Variants in GPR158 observed in about 807,000 individuals in gnomAD.
The protein encoded by GPR158 is G protein-coupled receptor 158, also known as metabotropic glycine receptor.
A neutral mutation model predicts 78.2 loss-of-function variants in GPR158; 30 were observed. The ratio of observed to expected loss-of-function variants is 0.38; its 90% CI spans 0.29 to 0.52. The LOEUF is 0.52. GPR158 is among the 20% of genes least tolerant of loss of function. The pLI, the probability that GPR158 is intolerant of heterozygous loss-of-function variation, is 0.83. For missense variants in GPR158, 1,463 were observed against 1,523.5 expected, an observed-to-expected ratio of 0.96 and a Z score of 0.66; for synonymous variants, 581 against 591.1, an observed-to-expected ratio of 0.98 and a Z score of 0.25.
At chr10:25,504,840 G>A (rs537652539) in intron 5 of GPR158, among the ~76,000 whole-genome samples, 5 of 152,080 alleles carry the variant, frequency 3.3e-5, no homozygotes, top group Non-Finnish European at 5.9e-5. Context: ...TTGAGTATTC[G>A]TTCTGGGTCA....
chr10:25,389,751 C>T (rs953954740), intron 2 of GPR158, among the ~76,000 whole-genome samples: 4 of 152,010 alleles, frequency 2.6e-5, no homozygotes. Flanking sequence ...CCTGGAAGCT[C>T]CCTGAGCCAA....
chr10:25,493,222 G>T (rs1448465068), intron 5 of GPR158, among the ~76,000 whole-genome samples: 2 of 152,148 alleles, frequency 1.3e-5, no homozygotes, highest in African/African-American at 4.8e-5. Flanking sequence ...CCTAGCATGG[G>T]GCCTGCTTCA....
chr10:25,550,802 G>C (rs1380161927), intron 5 of GPR158, among the ~76,000 whole-genome samples, 174 bp from the exon 6 acceptor site: 1 of 152,110 alleles, frequency 6.6e-6, no homozygotes, highest in Non-Finnish European at 1.5e-5. Context: ...GCAGTAGGGA[G>C]ACTGTGTATT....
At chr10:25,459,292 T>A (rs1037288680) in intron 4 of GPR158, among the ~76,000 whole-genome samples, 9 of 152,216 alleles carry the variant, frequency 5.9e-5, no homozygotes, top group Non-Finnish European at 1.3e-4. Context: ...CATTGGTATA[T>A]CTTTTTTAAA....
chr10:25,420,643 A>G (rs1834737038), intron 4 of GPR158, among the ~76,000 whole-genome samples: 1 of 152,046 alleles, frequency 6.6e-6, no homozygotes, highest in African/African-American at 2.4e-5. Flanking sequence ...TTTTATGTAT[A>G]GTATAAGATC....
chr10:25,397,802 A>T (rs1399185184), intron 3 of GPR158, among the ~76,000 whole-genome samples: 1 of 152,174 alleles, frequency 6.6e-6, no homozygotes, highest in Non-Finnish European at 1.5e-5. Context: ...TTGCTGGGAT[A>T]GTCACTCCCT....
intron 2 of GPR158, among the ~76,000 whole-genome samples, chr10:25,321,861 T>C (rs1463553771): frequency 2.6e-5 from 4 of 152,228 alleles, no homozygotes; most frequent in Non-Finnish European, 5.9e-5. Flanking sequence ...CATTATCTTA[T>C]ATATTTTTTA....
chr10:25,423,998 A>G (rs1442870835), intron 4 of GPR158, among the ~76,000 whole-genome samples: 7 of 151,870 alleles, frequency 4.6e-5, no homozygotes, highest in Non-Finnish European at 1.5e-5. Flanking sequence ...TACACTCCCA[A>G]CAGTGTAAAA....
chr10:25,226,437 C>T (rs1438700741), intron 2 of GPR158, among the ~76,000 whole-genome samples: 1 of 152,148 alleles, frequency 6.6e-6, no homozygotes, highest in Non-Finnish European at 1.5e-5. Context: ...CACTGAGGGA[C>T]ATTTAAGAAC....
chr10:25,255,463 G>A (rs544521987), intron 2 of GPR158, among the ~76,000 whole-genome samples: 2 of 152,336 alleles, frequency 1.3e-5, no homozygotes, highest in African/African-American at 2.4e-5. Context: ...TCTGCTCAGG[G>A]TCTCTCTAGG....
chr10:25,273,253 TCTTAA>T (rs1232054144), intron 2 of GPR158, among the ~76,000 whole-genome samples: 31 of 152,258 alleles, frequency 2.0e-4, no homozygotes, highest in Middle Eastern at 6.8e-3. Flanking sequence ...TATCACTACC[TCTTAA>T]CTTAAAGAAG....
At chr10:25,553,617 T>C (rs572860921) in intron 6 of GPR158, among the ~76,000 whole-genome samples, 1 of 152,302 alleles carries the variant, frequency 6.6e-6, no homozygotes, top group East Asian at 1.9e-4. Context: ...TGCTATATTT[T>C]TCCCATATTA....
intron 5 of GPR158, among the ~76,000 whole-genome samples, chr10:25,534,133 A>T (rs1388357358): frequency 1.3e-5 from 2 of 152,104 alleles, no homozygotes; most frequent in Non-Finnish European, 2.9e-5. Flanking sequence ...TCATCTGGTT[A>T]TGCTTTGGCA....
At chr10:25,238,371 C>T (rs1397774497) in intron 2 of GPR158, among the ~76,000 whole-genome samples, 3 of 152,190 alleles carry the variant, frequency 2.0e-5, no homozygotes, top group African/African-American at 4.8e-5. Flanking sequence ...GTATTGGTTG[C>T]ATATCTTTTA....
chr10:25,209,272 C>A (rs1853095792), intron 1 of GPR158, among the ~76,000 whole-genome samples: 1 of 152,352 alleles, frequency 6.6e-6, no homozygotes, highest in Non-Finnish European at 1.5e-5. Flanking sequence ...ACCACTCTAT[C>A]TCTTCCTCTT....
At chr10:25,253,373 C>T (rs1485360430) in intron 2 of GPR158, among the ~76,000 whole-genome samples, 2 of 152,112 alleles carry the variant, frequency 1.3e-5, no homozygotes, top group East Asian at 1.9e-4. Flanking sequence ...GGGGAGGTGT[C>T]CCTCTGAGCT....
At position 25,521,841 on chromosome 10, in the gene GPR158, G is replaced by T. The variant is rs777934582; in HGVS notation, c.1405-29135G>T. The stretch of plus-strand genomic sequence containing the variant: ...GCAGAAAAAAATCCTACAGATATTA[G>T]TTTATATGAAAACTGCTGCCAAAAG... On this transcript the variant is annotated intron_variant, in intron 5 of 10. Coordinates refer to ENST00000376351, the MANE Select transcript of GPR158 (RefSeq NM_020752.3). Among the ~76,000 whole-genome samples the T allele has an allele frequency of 5.9e-5, 9 of 152,150 alleles. No homozygotes were observed. In the South Asian group the frequency reaches 6.2e-4, roughly 10 times the overall value.
At chr10:25,322,847 TTTTTGTTTGTTTG>T (rs1458824106) in intron 2 of GPR158, among the ~76,000 whole-genome samples, 2 of 151,998 alleles carry the variant, frequency 1.3e-5, no homozygotes, top group Non-Finnish European at 2.9e-5. Context: ...CAAGTCTTTT[TTTTTGTTTGTTTG>T]TTTTGAGATG....
Position 25,267,587 on chromosome 10 carries a change from G to A in GPR158, c.1008+46430G>A, listed in dbSNP as rs961010011. ...GGATATCTGAAATGTTTATAGGGTAGTATGTTATTTTTATGGAATTATTTT... is the reference window on the plus strand; with the variant it reads ...GGATATCTGAAATGTTTATAGGGTAATATGTTATTTTTATGGAATTATTTT... On this transcript the variant is annotated intron_variant, in intron 2 of 10. Coordinates refer to ENST00000376351, the MANE Select transcript of GPR158 (RefSeq NM_020752.3). Among the ~76,000 whole-genome samples, 17 of 152,104 alleles carry A rather than the reference G, an allele frequency of 1.1e-4. 1 individual carries two copies. The highest frequency in any genetic ancestry group is 4.1e-4 in the African/African-American group (17 of 41,414).
Sources: allele counts gnomAD v4.1 joint callset (sites outside exome capture counted in the v4.1 genomes callset), GRCh38; gene constraint gnomAD v4.1.1; transcripts MANE v1.5; gene names NCBI Gene and HGNC (gene_info 2026-07-23, HGNC 2026-07-21).